The following NEDD4 variants were observed in gnomAD, a reference collection of about 807,000 sequenced individuals.
The protein encoded by NEDD4 is E3 ubiquitin-protein ligase NEDD4.
In NEDD4, 99 loss-of-function variants were observed where a neutral mutation model predicts 144.9. That is an observed-to-expected ratio of 0.68 (90% CI 0.58 to 0.81). The LOEUF is 0.81. NEDD4 is among the 30% of genes least tolerant of loss of function. NEDD4 has a pLI of 0.00. For synonymous variants in NEDD4, 318 were observed against 350.6 expected (o/e 0.91, Z 1.04); for missense variants, 985 against 1,065.9 (o/e 0.92, Z 1.06).
chr15:55,905,367 G>T (rs1201676168), intron 5 of NEDD4: 2 of 437,118 alleles, frequency 4.6e-6, no homozygotes, highest in African/African-American at 4.1e-5. Flanking sequence ...CAATTGGGGG[G>T]TTTCCCAACA....
intron 5 of NEDD4, among the ~76,000 whole-genome samples, chr15:55,885,238 C>T (rs1196477751): frequency 2.0e-5 from 3 of 152,150 alleles, no homozygotes; most frequent in Admixed American, 2.0e-4. Flanking sequence ...TAAAGACTTT[C>T]ACAGACAAAC....
chr15:55,933,685 A>C (rs895626745), intron 4 of NEDD4, among the ~76,000 whole-genome samples: 12 of 152,080 alleles, frequency 7.9e-5, no homozygotes, highest in African/African-American at 2.9e-4. Flanking sequence ...AAAGTATAAA[A>C]AAAAAAATCT....
At chr15:55,915,350 A>C in intron 5 of NEDD4, 1 of 1,613,110 alleles carries the variant, frequency 6.2e-7, no homozygotes, top group Non-Finnish European at 8.5e-7. Flanking sequence ...TATCCACTTT[A>C]CCTTCATTTC....
At chr15:55,876,052 T>C (rs1198729542) in intron 5 of NEDD4, among the ~76,000 whole-genome samples, 1 of 152,146 alleles carries the variant, frequency 6.6e-6, no homozygotes, top group Non-Finnish European at 1.5e-5. Flanking sequence ...ATACAAATAA[T>C]GGTTGACTTC....
At chr15:55,945,117 C>T (rs545004089) in intron 4 of NEDD4, among the ~76,000 whole-genome samples, 2 of 151,960 alleles carry the variant, frequency 1.3e-5, no homozygotes, top group African/African-American at 2.4e-5. Context: ...TCCAAAGGAT[C>T]GCAGCCCCTC....
intron 8 of NEDD4, among the ~76,000 whole-genome samples, chr15:55,863,787 G>A (rs547948861): frequency 1.1e-4 from 17 of 152,196 alleles, no homozygotes; most frequent in South Asian, 4.1e-4. Flanking sequence ...CCTTGCTTAC[G>A]GTAGAAATCA....
chr15:55,858,815 A>G (rs1259173437), intron 11 of NEDD4, among the ~76,000 whole-genome samples: 3 of 152,260 alleles, frequency 2.0e-5, no homozygotes, highest in African/African-American at 7.2e-5. Context: ...TTTCCTGTTA[A>G]GATCCAGACA....
chr15:55,952,422 T>C (rs922628233), intron 2 of NEDD4, among the ~76,000 whole-genome samples: 5 of 152,178 alleles, frequency 3.3e-5, no homozygotes, highest in African/African-American at 9.7e-5. Context: ...TTGTGATATA[T>C]AGGGTTGTAA....
Position 55,844,402 on chromosome 15 carries a change from C to A in NEDD4, c.1609-2239G>T, listed in dbSNP as rs138577174. 3.0e-4 allele frequency among the ~76,000 whole-genome samples: 45 copies of A among 151,664 alleles called. 1 individual carries two copies. In the East Asian group the frequency reaches 8.6e-3, roughly 29 times the overall value. On this transcript the variant is annotated intron_variant, in intron 18 of 28. Transcript: ENST00000435532. ...AAGAGGCACACTGGTCAGTTAAAGA[C>A]CCCTGGAATAGCTGAGTGAGAGAAG...
At chr15:55,881,669 T>G (rs2035198369) in intron 5 of NEDD4, among the ~76,000 whole-genome samples, 1 of 152,212 alleles carries the variant, frequency 6.6e-6, no homozygotes, top group African/African-American at 2.4e-5. Flanking sequence ...TTTTTTGGTT[T>G]AGTCTTATTA....
At chr15:55,838,301 T>G in intron 22 of NEDD4, 121 bp from the exon 23 acceptor site, 1 of 761,068 alleles carries the variant, frequency 1.3e-6, no homozygotes, top group Non-Finnish European at 2.1e-6. Context: ...AGTTAAAAAC[T>G]AAGAAAACTT....
intron 1 of NEDD4, among the ~76,000 whole-genome samples, chr15:55,974,402 T>G (rs181166308): frequency 9.5e-4 from 145 of 152,204 alleles, no homozygotes; most frequent in African/African-American, 1.7e-3. Flanking sequence ...AGGAATACTT[T>G]CCATACTGAT....
At chr15:55,993,466 A>G (rs2038022056) in intron 1 of NEDD4, 45 bp downstream of exon 1, 1 of 1,586,962 alleles carries the variant, frequency 6.3e-7, no homozygotes, top group African/African-American at 1.4e-5. Flanking sequence ...CGGCTGCTGA[A>G]TAACCCGAAG....
chr15:55,950,495 C>T (rs1339244948), intron 4 of NEDD4, among the ~76,000 whole-genome samples: 58 of 152,092 alleles, frequency 3.8e-4, no homozygotes, highest in African/African-American at 4.8e-5. Context: ...CAGAAGCCTC[C>T]AGAGAGGCTG....
intron 2 of NEDD4, among the ~76,000 whole-genome samples, chr15:55,961,761 GC>G: frequency 6.6e-6 from 1 of 152,004 alleles, no homozygotes; most frequent in Non-Finnish European, 1.5e-5. Context: ...GAGCCACCGC[GC>G]CTGGCCAGTT....
intron 11 of NEDD4, among the ~76,000 whole-genome samples, chr15:55,859,290 A>G (rs149951632): frequency 6.6e-6 from 1 of 152,318 alleles, no homozygotes; most frequent in East Asian, 1.9e-4. Context: ...CCCTATGGAC[A>G]ACAGTTTTTA....
intron 18 of NEDD4, among the ~76,000 whole-genome samples, chr15:55,846,440 G>A (rs2033745464): frequency 1.3e-5 from 2 of 152,182 alleles, no homozygotes; most frequent in Non-Finnish European, 2.9e-5. Context: ...TTGTGGCGAT[G>A]GGAAAAAGTG....
chr15:55,951,460 T>C (rs1214198575), intron 3 of NEDD4, 46 bp from the exon 4 acceptor site: 2 of 1,390,756 alleles, frequency 1.4e-6, no homozygotes, highest in Non-Finnish European at 1.9e-6. Context: ...TTTTGTCTTA[T>C]AAAAATAAAA....
At chr15:55,883,693 AC>A (rs3049220) in intron 5 of NEDD4, among the ~76,000 whole-genome samples, 41,049 of 121,668 alleles carry the variant, frequency 0.34, 5,727 homozygotes, top group South Asian at 0.43. Context: ...ACACACACAC[AC>A]AAACACACAC....
Sources: gnomAD v4.1 joint callset for allele counts (sites outside exome capture counted in the v4.1 genomes callset) on GRCh38, gnomAD v4.1.1 for gene constraint, MANE v1.5 for transcripts, NCBI Gene and HGNC (gene_info 2026-07-23, HGNC 2026-07-21) for gene names.